Variants in TRPV3 observed in about 807,000 individuals in gnomAD.
TRPV3 encodes the protein VRL-3.
TRPV3 carries 88 observed loss-of-function variants against 87.1 expected under a neutral mutation model. That is an observed-to-expected ratio of 1.01 (90% CI 0.85 to 1.21). The LOEUF (loss-of-function observed/expected upper bound fraction) is 1.21. Among genes scored for constraint, TRPV3 ranks in the 50% most tolerant of loss-of-function variants. The probability of loss-of-function intolerance (pLI) is 0.00; values close to 1 mark genes in which losing one functional copy is unlikely to be tolerated. For synonymous variants in TRPV3, 438 were observed against 423.3 expected (o/e 1.03, Z -0.43); for missense variants, 1,054 against 1,030.1 (o/e 1.02, Z -0.32).
At chr17:3,521,339 G>C (rs2074244200) in intron 13 of TRPV3, among the ~76,000 whole-genome samples, 1 of 152,312 alleles carries the variant, frequency 6.6e-6, no homozygotes, top group African/African-American at 2.4e-5. Context: ...GCAGTGGCAT[G>C]CTGGAGCCAG....
At chr17:3,538,190 CA>C (rs142660035) in intron 6 of TRPV3, among the ~76,000 whole-genome samples, 15,785 of 144,910 alleles carry the variant, frequency 0.11, 2,393 homozygotes, top group African/African-American at 0.34. Flanking sequence ...GACCCCGTCT[CA>C]AAAAAAAAAT....
At chr17:3,537,719 C>T (rs1351319443) in intron 6 of TRPV3, among the ~76,000 whole-genome samples, 2 of 151,528 alleles carry the variant, frequency 1.3e-5, no homozygotes, top group South Asian at 2.1e-4. Flanking sequence ...GCCTGGCCCA[C>T]ATGGAGAAAC....
chr17:3,517,094 G>A (rs1226397461), intron 15 of TRPV3, among the ~76,000 whole-genome samples: 2 of 151,824 alleles, frequency 1.3e-5, no homozygotes, highest in African/African-American at 2.4e-5. Context: ...GCAGTGAGCC[G>A]AGATCCCACC....
rs449948 is a variant in TRPV3, at chr17:3,535,955, C to A, written c.644-242G>T. 0.8 allele frequency among the ~76,000 whole-genome samples: 121,768 copies of A among 152,244 alleles called. 54,126 individuals are homozygous for A. The highest frequency in any genetic ancestry group is 0.98 in the Non-Finnish European group (66,606 of 68,028). On this transcript the variant is annotated intron_variant, in intron 6 of 17. Coordinates refer to ENST00000576742, the MANE Select transcript of TRPV3 (RefSeq NM_145068.4). The stretch of plus-strand genomic sequence containing the variant: ...CCAGGCGCTGGGGGTCAGTGGGTGC[C>A]CAAGACGCAATCTCGATTATTTTCC...
At chr17:3,523,936 A>C (rs1277882512) in intron 13 of TRPV3, among the ~76,000 whole-genome samples, 1 of 151,076 alleles carries the variant, frequency 6.6e-6, no homozygotes, top group South Asian at 2.1e-4. Context: ...AACAGTCGTT[A>C]AATGTTTACC....
chr17:3,532,627 C>T, intron 8 of TRPV3, 30 bp downstream of exon 8: 1 of 1,609,928 alleles, frequency 6.2e-7, no homozygotes, highest in East Asian at 2.2e-5. Context: ...ACCTCCCGAC[C>T]TCCTGCCTCC....
intron 7 of TRPV3, among the ~76,000 whole-genome samples, chr17:3,533,492 T>C (rs2074370193): frequency 7.0e-6 from 1 of 142,258 alleles, no homozygotes. Flanking sequence ...TTCCTTGTCC[T>C]CTGCTTTACT....
intron 13 of TRPV3, among the ~76,000 whole-genome samples, chr17:3,522,845 T>C (rs1402926418): frequency 6.7e-6 from 1 of 149,024 alleles, no homozygotes; most frequent in Non-Finnish European, 1.5e-5. Context: ...AAAGCAAAAA[T>C]TATTCTAAGA....
At chr17:3,517,723 C>T (rs893308298) in intron 15 of TRPV3, among the ~76,000 whole-genome samples, 2 of 151,840 alleles carry the variant, frequency 1.3e-5, no homozygotes, top group African/African-American at 2.4e-5. Context: ...ATCTGCCTTC[C>T]AGGACCACAG....
intron 14 of TRPV3, among the ~76,000 whole-genome samples, chr17:3,519,615 T>C (rs2074220772): frequency 6.8e-6 from 1 of 146,814 alleles, no homozygotes; most frequent in African/African-American, 2.6e-5. Flanking sequence ...GATGGATGGA[T>C]GGATGGATGG....
chr17:3,534,485 C>T (rs1313295758), intron 7 of TRPV3, among the ~76,000 whole-genome samples: 2 of 152,166 alleles, frequency 1.3e-5, no homozygotes, highest in Admixed American at 6.5e-5. Context: ...GGGGTCTCCT[C>T]TGCAACAAAG....
intron 17 of TRPV3, 193 bp from the exon 18 acceptor site, chr17:3,514,204 G>T: frequency 1.9e-6 from 1 of 519,162 alleles, no homozygotes; most frequent in Non-Finnish European, 3.4e-6. Context: ...TCAGCCTCTC[G>T]AGTAGCTGGG....
intron 4 of TRPV3, among the ~76,000 whole-genome samples, chr17:3,544,335 G>A (rs189352918): frequency 2.0e-5 from 3 of 148,258 alleles, no homozygotes; most frequent in African/African-American, 4.8e-5. Context: ...AAATGGTGTC[G>A]TGCTACAGTT....
At chr17:3,536,172 G>GC (rs890296964) in intron 6 of TRPV3, among the ~76,000 whole-genome samples, 1 of 152,218 alleles carries the variant, frequency 6.6e-6, no homozygotes, top group African/African-American at 2.4e-5. Flanking sequence ...AGAGGGCAGA[G>GC]CTTGTGCTAA....
intron 14 of TRPV3, among the ~76,000 whole-genome samples, chr17:3,519,664 T>G (rs11078453): frequency 2.9e-5 from 3 of 101,922 alleles, no homozygotes; most frequent in South Asian, 3.7e-4. Context: ...ATGGATGGAC[T>G]GATTGATCGA....
intron 2 of TRPV3, among the ~76,000 whole-genome samples, chr17:3,545,519 G>A (rs545410982): frequency 2.6e-5 from 4 of 152,300 alleles, no homozygotes; most frequent in South Asian, 2.1e-4. Context: ...GGACTGAGGC[G>A]AACCCAATTG....
intron 14 of TRPV3, among the ~76,000 whole-genome samples, chr17:3,519,771 TGG>T: frequency 6.8e-6 from 1 of 146,516 alleles, no homozygotes; most frequent in Non-Finnish European, 1.5e-5. Context: ...ATTAGATGGA[TGG>T]ATGGATGGAT....
intron 7 of TRPV3, among the ~76,000 whole-genome samples, chr17:3,535,195 T>TCCCTTCCTCCCTCC (rs2074390059): frequency 1.6e-5 from 1 of 64,006 alleles, no homozygotes; most frequent in Admixed American, 1.8e-4. Context: ...TTCCTCCCTC[T>TCCCTTCCTCCCTCC]CCCTCCTCCT....
chr17:3,543,266 C>T (rs1044321741), intron 5 of TRPV3, among the ~76,000 whole-genome samples: 2 of 152,142 alleles, frequency 1.3e-5, no homozygotes, highest in African/African-American at 4.8e-5. Flanking sequence ...TCACCCCCAT[C>T]TTCCACACAG....
Sources: gnomAD v4.1 joint callset for allele counts (sites outside exome capture counted in the v4.1 genomes callset) on GRCh38, gnomAD v4.1.1 for gene constraint, MANE v1.5 for transcripts, NCBI Gene and HGNC (gene_info 2026-07-23, HGNC 2026-07-21) for gene names.